The following KDM3A variants were observed in gnomAD, a reference collection of about 807,000 sequenced individuals.
The protein encoded by KDM3A is lysine-specific demethylase 3A.
Under a neutral mutation model 158.0 loss-of-function variants are expected in KDM3A, and 60 were observed. The observed-to-expected ratio is 0.38, with a 90% confidence interval of 0.31 to 0.47. KDM3A has a LOEUF of 0.47. KDM3A is among the 20% of genes least tolerant of loss of function. The pLI is 0.99. For missense variants in KDM3A, 1,319 were observed against 1,574.3 expected, an observed-to-expected ratio of 0.84 and a Z score of 2.74; for synonymous variants, 608 against 549.3, an observed-to-expected ratio of 1.11 and a Z score of -1.49.
chr2:86,462,460 A>G (rs964374711), intron 8 of KDM3A, among the ~76,000 whole-genome samples: 5 of 152,198 alleles, frequency 3.3e-5, no homozygotes, highest in African/African-American at 1.2e-4. Context: ...GGGAATTGCA[A>G]ACTATTACAA....
At chr2:86,475,846 G>A (rs1279709700) in intron 12 of KDM3A, among the ~76,000 whole-genome samples, 1 of 152,154 alleles carries the variant, frequency 6.6e-6, no homozygotes, top group African/African-American at 2.4e-5. Context: ...CCAGTCTTAA[G>A]AATTTTGATT....
intron 11 of KDM3A, among the ~76,000 whole-genome samples, chr2:86,471,345 ATATG>A (rs945272264): frequency 1.3e-5 from 2 of 150,510 alleles, no homozygotes; most frequent in African/African-American, 2.4e-5. Context: ...ATATATGTAT[ATATG>A]TGTGTGTGTA....
At chr2:86,448,377 C>T (rs1395002603) in intron 2 of KDM3A, among the ~76,000 whole-genome samples, 1 of 152,152 alleles carries the variant, frequency 6.6e-6, no homozygotes. Context: ...GAAATTTATT[C>T]ATTAATCTAT....
At chr2:86,441,946 C>T (rs1175775276) in intron 1 of KDM3A, 72 bp from the exon 2 acceptor site, 3 of 1,279,186 alleles carry the variant, frequency 2.3e-6, no homozygotes, top group Non-Finnish European at 3.3e-6. Context: ...CTCCGCCCGC[C>T]CTCCCTGCTG....
chr2:86,478,702 T>C lies in KDM3A; in HGVS notation c.2283T>C (p.Phe761=). The change falls in exon 15 of 26, where the codon TTT becomes TTC. Residue 761 remains phenylalanine, a synonymous_variant. Transcript: ENST00000312912. ...GTTCAAACAGGCAATTCAAACTCTT[T>C]TCAAAGCCAGCCTCAAAGGAAGACC... ...CPCSNRQFKL[F]SKPASKEDLK... The C allele has an allele frequency of 1.2e-6, 2 of 1,614,138 alleles. No individual in the cohort carries two copies. Among genetic ancestry groups the C allele is most frequent in the Admixed American group, 1.7e-5 (1 of 60,026 alleles).
At position 86,490,988 on chromosome 2, in the gene KDM3A, A is replaced by C. The variant is rs1338126376; in HGVS notation, c.3681A>C (p.Gly1227=). 3 of 1,613,914 alleles carry C rather than the reference A, an allele frequency of 1.9e-6. No homozygotes were observed. The highest frequency in any genetic ancestry group is 2.5e-6 in the Non-Finnish European group (3 of 1,179,914). The change falls in exon 24 of 26, where the codon GGA becomes GGC. Residue 1227 remains glycine (G), a synonymous_variant. Transcript: ENST00000312912. ...GAAAACGTCTTCATCAAGAGTATGG[A>C]GTTCAAGGCTGGGCTATTGTACAGT... The part of the protein sequence containing the change: ...SLRKRLHQEY[G]VQGWAIVQFL...
chr2:86,485,068 C>A (rs1464553927), intron 20 of KDM3A, 39 bp downstream of exon 20: 1 of 1,126,564 alleles, frequency 8.9e-7, no homozygotes, highest in Non-Finnish European at 1.3e-6. Flanking sequence ...TTCTGTCCTT[C>A]ACTTGGTAGG....
chr2:86,486,023 T>C (rs1473403350), intron 21 of KDM3A, among the ~76,000 whole-genome samples, 164 bp downstream of exon 21: 2 of 60,544 alleles, frequency 3.3e-5, no homozygotes, highest in Admixed American at 2.8e-4. Flanking sequence ...GGCCACATGT[T>C]TGTGTGTTTC....
intron 2 of KDM3A, among the ~76,000 whole-genome samples, chr2:86,444,756 A>G (rs1219109568): frequency 6.6e-6 from 1 of 152,208 alleles, no homozygotes; most frequent in Non-Finnish European, 1.5e-5. Flanking sequence ...AAGTCTGTCT[A>G]GACTGGCTTG....
chr2:86,468,768 T>A (rs1374195629), intron 10 of KDM3A, among the ~76,000 whole-genome samples: 2 of 152,188 alleles, frequency 1.3e-5, no homozygotes, highest in Admixed American at 1.3e-4. Flanking sequence ...CTGCCTTTTT[T>A]TCCGTTCAGA....
chr2:86,465,496 C>T (rs527692708), intron 9 of KDM3A, among the ~76,000 whole-genome samples: 1 of 152,190 alleles, frequency 6.6e-6, no homozygotes, highest in Admixed American at 6.5e-5. Context: ...CAGCTTTGAA[C>T]TCCTGGGCTC....
At chr2:86,469,415 C>T (rs558126715) in intron 10 of KDM3A, among the ~76,000 whole-genome samples, 5 of 152,318 alleles carry the variant, frequency 3.3e-5, no homozygotes, top group Admixed American at 6.5e-5. Context: ...TGAAATACTC[C>T]TTAAGGCTCT....
intron 21 of KDM3A, among the ~76,000 whole-genome samples, chr2:86,486,305 A>C (rs1293590440): frequency 6.6e-6 from 1 of 152,230 alleles, no homozygotes; most frequent in Non-Finnish European, 1.5e-5. Flanking sequence ...CTTAGGATTC[A>C]AAGTACCCTT....
At chr2:86,478,365 G>C in intron 14 of KDM3A, 100 bp downstream of exon 14, 1 of 935,996 alleles carries the variant, frequency 1.1e-6, no homozygotes, top group Non-Finnish European at 1.7e-6. Context: ...GTTTATTTTA[G>C]TGTGTATTGT....
At chr2:86,442,457 G>T in intron 2 of KDM3A, 2 of 498,582 alleles carry the variant, frequency 4.0e-6, no homozygotes, top group Non-Finnish European at 3.6e-6. Context: ...TGGGCTTAGG[G>T]TTGTTCAGAC....
At chr2:86,471,265 ATGTGTATATATG>A (rs1357504559) in intron 11 of KDM3A, among the ~76,000 whole-genome samples, 32 of 150,106 alleles carry the variant, frequency 2.1e-4, no homozygotes, top group South Asian at 1.0e-3. Context: ...GTGTATATAT[ATGTGTATATATG>A]TGTGTATATA....
At chr2:86,450,297 T>A (rs549693321) in intron 3 of KDM3A, among the ~76,000 whole-genome samples, 47 of 152,288 alleles carry the variant, frequency 3.1e-4, no homozygotes, top group Non-Finnish European at 5.6e-4. Context: ...ATGTGGAGAA[T>A]ACATCTGAAA....
intron 8 of KDM3A, among the ~76,000 whole-genome samples, chr2:86,462,240 G>T (rs1191476232): frequency 6.6e-6 from 1 of 151,794 alleles, no homozygotes; most frequent in East Asian, 1.9e-4. Flanking sequence ...TTTATACAGA[G>T]TAAAAATTTA....
chr2:86,442,028 T>A lies in KDM3A; in HGVS notation c.-20T>A, dbSNP rs565952376. On this transcript the variant is annotated 5_prime_UTR_variant, in exon 2 of 26. Coordinates refer to ENST00000312912, the MANE Select transcript of KDM3A (RefSeq NM_018433.6). ...TTTGTGTTTTTGCAGGGAGGAGCTC[T>A]TCCTGCAGGCGTGGAAACCATGGTG... The A allele has an allele frequency of 6.2e-7, 1 of 1,607,848 alleles. No individual in the cohort carries two copies. Among genetic ancestry groups the A allele is most frequent in the Admixed American group, 1.7e-5 (1 of 59,838 alleles).
Sources: allele counts gnomAD v4.1 joint callset (sites outside exome capture counted in the v4.1 genomes callset), GRCh38; gene constraint gnomAD v4.1.1; transcripts MANE v1.5; gene names NCBI Gene and HGNC (gene_info 2026-07-23, HGNC 2026-07-21).